Variants in KCNAB1 observed in about 807,000 individuals in gnomAD.
KCNAB1 encodes voltage-gated potassium channel subunit beta-1.
In KCNAB1, 35 loss-of-function variants were observed where a neutral mutation model predicts 64.6. That is an observed-to-expected ratio of 0.54 (90% CI 0.41 to 0.72). KCNAB1 has a LOEUF of 0.72. Among genes scored for constraint, KCNAB1 ranks in the 30% least tolerant of loss-of-function variants. The pLI is 0.00. For missense variants in KCNAB1, 401 were observed against 512.9 expected, an observed-to-expected ratio of 0.78 and a Z score of 2.11; for synonymous variants, 177 against 183.8, an observed-to-expected ratio of 0.96 and a Z score of 0.30.
At chr3:156,525,789 C>T (rs1186481208) in intron 12 of KCNAB1, among the ~76,000 whole-genome samples, 1 of 152,214 alleles carries the variant, frequency 6.6e-6, no homozygotes, top group Non-Finnish European at 1.5e-5. Context: ...GCTGGGATTA[C>T]AGGCATGAGC....
chr3:156,502,886 G>C (rs1294416722), intron 8 of KCNAB1, among the ~76,000 whole-genome samples: 1 of 152,128 alleles, frequency 6.6e-6, no homozygotes, highest in Non-Finnish European at 1.5e-5. Context: ...TGTAATTTCA[G>C]TTCACTTAGG....
intron 1 of KCNAB1, among the ~76,000 whole-genome samples, chr3:156,331,973 G>A (rs1198331068): frequency 1.3e-5 from 2 of 152,154 alleles, no homozygotes; most frequent in Admixed American, 1.3e-4. Context: ...GCTCTTGTCA[G>A]AAGTACCTGA....
intron 1 of KCNAB1, among the ~76,000 whole-genome samples, chr3:156,409,116 A>G (rs1714462068): frequency 6.6e-6 from 1 of 152,206 alleles, no homozygotes; most frequent in South Asian, 2.1e-4. Context: ...ATATGTTGAT[A>G]CTAAAGTTGA....
At chr3:156,302,028 T>C (rs1256988119) in intron 1 of KCNAB1, among the ~76,000 whole-genome samples, 1 of 152,192 alleles carries the variant, frequency 6.6e-6, no homozygotes, top group African/African-American at 2.4e-5. Context: ...AAATTTAAAG[T>C]GTCAGCAAAG....
intron 1 of KCNAB1, among the ~76,000 whole-genome samples, chr3:156,415,671 A>T (rs1576836880): frequency 6.6e-6 from 1 of 152,056 alleles, no homozygotes; most frequent in Non-Finnish European, 1.5e-5. Flanking sequence ...CCTGATCTCC[A>T]TGTACACCTT....
rs112479151 is a variant in KCNAB1, at chr3:156,122,031, T to C, written c.275+1145T>C. On this transcript the variant is annotated intron_variant, in intron 1 of 13. Coordinates refer to ENST00000490337, the MANE Select transcript of KCNAB1 (RefSeq NM_172160.3). ...GATATTTTAAAACCTAAACTATTAT[T>C]CAAAAATCAACATTTAAAAATTAGC... Among the ~76,000 whole-genome samples the C allele has an allele frequency of 1.7e-4, 26 of 152,336 alleles. 1 individual carries two copies. The highest frequency in any genetic ancestry group is 6.3e-4 in the African/African-American group (26 of 41,596).
intron 2 of KCNAB1, among the ~76,000 whole-genome samples, chr3:156,436,528 C>T (rs548343858): frequency 6.6e-5 from 10 of 152,288 alleles, no homozygotes; most frequent in Middle Eastern, 3.4e-3. Context: ...TTTGCATTCC[C>T]ACCAACAGTG....
intron 1 of KCNAB1, among the ~76,000 whole-genome samples, chr3:156,321,989 T>A (rs1471286827): frequency 2.0e-5 from 3 of 152,130 alleles, no homozygotes; most frequent in African/African-American, 7.2e-5. Flanking sequence ...CTTAACCACC[T>A]CCAATGTGGG....
At chr3:156,247,818 G>A (rs950946451) in intron 1 of KCNAB1, among the ~76,000 whole-genome samples, 12 of 152,054 alleles carry the variant, frequency 7.9e-5, no homozygotes, top group African/African-American at 2.4e-4. Context: ...GCCCACCTCC[G>A]CCTCCCAAAG....
chr3:156,173,554 G>A (rs747675910), intron 1 of KCNAB1, among the ~76,000 whole-genome samples: 16 of 152,190 alleles, frequency 1.1e-4, no homozygotes, highest in Non-Finnish European at 2.4e-4. Flanking sequence ...CCAATTGTCA[G>A]TGGGAGTCTC....
chr3:156,435,636 G>A (rs1716535972), intron 2 of KCNAB1, among the ~76,000 whole-genome samples: 1 of 152,208 alleles, frequency 6.6e-6, no homozygotes, highest in African/African-American at 2.4e-5. Flanking sequence ...GATAAGGAAG[G>A]AATTGAAGAC....
At chr3:156,204,884 A>G (rs1714558434) in intron 1 of KCNAB1, among the ~76,000 whole-genome samples, 1 of 152,182 alleles carries the variant, frequency 6.6e-6, no homozygotes, top group Admixed American at 6.5e-5. Flanking sequence ...ATAAGGGGCA[A>G]GCTAAGTTGG....
chr3:156,532,747 C>G (rs111698045), intron 13 of KCNAB1, among the ~76,000 whole-genome samples: 1 of 152,314 alleles, frequency 6.6e-6, no homozygotes, highest in Non-Finnish European at 1.5e-5. Context: ...CTGTGAGGTT[C>G]CCTGTAGCTA....
intron 1 of KCNAB1, among the ~76,000 whole-genome samples, chr3:156,379,567 C>A (rs1711996981): frequency 6.6e-6 from 1 of 152,134 alleles, no homozygotes; most frequent in South Asian, 2.1e-4. Context: ...CAAATGTCTG[C>A]AGCAGGAGTG....
Position 156,257,233 on chromosome 3 carries a change from CCTT to C in KCNAB1, c.275+136350_275+136352del, listed in dbSNP as rs1718148529. Among the ~76,000 whole-genome samples, 4 of 152,124 alleles carry C rather than the reference CCTT, an allele frequency of 2.6e-5. No homozygotes were observed. In the South Asian group the frequency reaches 8.3e-4, roughly 32 times the overall value. Reference sequence around the variant, plus strand: ...TAGATTTGGTTTTGTTTTTAAATCTCCTTCTCCTTGTGAAAAACTTGTGCTCCA... The same window carrying C: ...TAGATTTGGTTTTGTTTTTAAATCTCCTCCTTGTGAAAAACTTGTGCTCCA... On this transcript the variant is annotated intron_variant, in intron 1 of 13. Transcript: ENST00000490337.
chr3:156,338,302 A>ATTTTTT (rs1723857966), intron 1 of KCNAB1, among the ~76,000 whole-genome samples: 1 of 17,298 alleles, frequency 5.8e-5, no homozygotes, highest in Non-Finnish European at 1.2e-4. Flanking sequence ...TGGCATTTGC[A>ATTTTTT]CTTTTTTTTT....
intron 7 of KCNAB1, among the ~76,000 whole-genome samples, chr3:156,470,918 T>C (rs886773320): frequency 1.3e-5 from 2 of 152,224 alleles, no homozygotes; most frequent in African/African-American, 4.8e-5. Context: ...CCACGTTTTG[T>C]AACGGGAGGC....
intron 1 of KCNAB1, among the ~76,000 whole-genome samples, chr3:156,297,786 G>C (rs747415107): frequency 1.3e-5 from 2 of 151,964 alleles, no homozygotes; most frequent in South Asian, 2.1e-4. Flanking sequence ...GCGTGTGCTC[G>C]TGTGCGTGTG....
At chr3:156,293,418 G>A (rs1324425498) in intron 1 of KCNAB1, among the ~76,000 whole-genome samples, 3 of 152,158 alleles carry the variant, frequency 2.0e-5, no homozygotes, top group Non-Finnish European at 4.4e-5. Flanking sequence ...ATAATGCATA[G>A]GCAACATGTG....
Sources: gnomAD v4.1 joint callset for allele counts (sites outside exome capture counted in the v4.1 genomes callset) on GRCh38, gnomAD v4.1.1 for gene constraint, MANE v1.5 for transcripts, NCBI Gene and HGNC (gene_info 2026-07-23, HGNC 2026-07-21) for gene names.